The following DOCK4 variants were observed in gnomAD, a reference collection of about 807,000 sequenced individuals.
DOCK4 encodes dedicator of cytokinesis protein 4.
In DOCK4, 97 loss-of-function variants were observed where a neutral mutation model predicts 268.1. That is an observed-to-expected ratio of 0.36 (90% CI 0.31 to 0.43). DOCK4 has a LOEUF of 0.43. DOCK4 is among the 20% of genes least tolerant of loss of function. The pLI is 1.00. For synonymous variants in DOCK4, 954 were observed against 887.2 expected, an observed-to-expected ratio of 1.08 and a Z score of -1.34; for missense variants, 2,145 against 2,455.7, an observed-to-expected ratio of 0.87 and a Z score of 2.67.
chr7:111,761,040 T>C lies in DOCK4; in HGVS notation c.4021-718A>G, dbSNP rs144622766. On this transcript the variant is annotated intron_variant, in intron 39 of 52. Coordinates refer to ENST00000428084, the MANE Select transcript of DOCK4 (RefSeq NM_001363540.2). ...CCCCCTACAACACCCCATTTTATAATTGGGGAACCAGGGCTTAAAGTCTTT... is the reference window on the plus strand; with the variant it reads ...CCCCCTACAACACCCCATTTTATAACTGGGGAACCAGGGCTTAAAGTCTTT... 1.3e-3 allele frequency among the ~76,000 whole-genome samples: 200 copies of C among 151,620 alleles called. 1 individual carries two copies. Among genetic ancestry groups the C allele is most frequent in the Middle Eastern group, 6.8e-3 (2 of 294 alleles).
chr7:111,773,111 T>C (rs1798228764), intron 36 of DOCK4, among the ~76,000 whole-genome samples: 1 of 152,164 alleles, frequency 6.6e-6, no homozygotes, highest in South Asian at 2.1e-4. Context: ...TTTTTATTAA[T>C]CCCATTCTAC....
chr7:111,962,081 CT>C (rs1796945941), intron 8 of DOCK4, among the ~76,000 whole-genome samples: 1 of 152,004 alleles, frequency 6.6e-6, no homozygotes, highest in African/African-American at 2.4e-5. Context: ...CTCCTTTTTG[CT>C]TTTTCTTTCT....
intron 8 of DOCK4, chr7:111,971,894 A>G: frequency 4.9e-6 from 1 of 204,242 alleles, no homozygotes. Flanking sequence ...TCTAATGCCA[A>G]CATTCTTAGG....
intron 44 of DOCK4, 31 bp from the exon 45 acceptor site, chr7:111,742,163 C>CATCA: frequency 6.5e-7 from 1 of 1,538,662 alleles, no homozygotes; most frequent in African/African-American, 1.4e-5. Context: ...AAAAACCTCA[C>CATCA]ATCAATGACT....
chr7:112,190,012 T>C (rs1051100246), intron 1 of DOCK4, among the ~76,000 whole-genome samples: 1 of 152,198 alleles, frequency 6.6e-6, no homozygotes, highest in African/African-American at 2.4e-5. Flanking sequence ...AAACACTTGT[T>C]TTCCTCTGTG....
intron 25 of DOCK4, chr7:111,840,655 A>G (rs1803607425): frequency 7.5e-6 from 2 of 266,474 alleles, no homozygotes; most frequent in South Asian, 9.8e-5. Flanking sequence ...GATACAGCAG[A>G]CGCCAGTGCT....
chr7:111,971,822 A>G, intron 8 of DOCK4: 1 of 301,450 alleles, frequency 3.3e-6, no homozygotes. Context: ...TTGCCACAGC[A>G]ACCTGATATA....
chr7:112,040,262 C>A (rs1804234799), intron 1 of DOCK4, among the ~76,000 whole-genome samples: 1 of 152,100 alleles, frequency 6.6e-6, no homozygotes, highest in Non-Finnish European at 1.5e-5. Flanking sequence ...AGAGAAACAC[C>A]TTCTTATTTA....
chr7:111,751,130 A>G (rs1436238715), intron 42 of DOCK4, among the ~76,000 whole-genome samples: 1 of 152,234 alleles, frequency 6.6e-6, no homozygotes, highest in Non-Finnish European at 1.5e-5. Context: ...CCAGTAGCAC[A>G]TAACACCAAG....
chr7:112,181,639 C>CAAAAAAAAA (rs55807955), intron 1 of DOCK4, among the ~76,000 whole-genome samples: 4,471 of 65,232 alleles, frequency 0.069, 490 homozygotes, highest in Non-Finnish European at 0.09. Context: ...GACACTGTCT[C>CAAAAAAAAA]AAAAAAAAAA....
intron 23 of DOCK4, among the ~76,000 whole-genome samples, chr7:111,857,312 C>T (rs1805092157): frequency 6.6e-6 from 1 of 152,006 alleles, no homozygotes; most frequent in African/African-American, 2.4e-5. Flanking sequence ...TTTTTTATTG[C>T]AGTTTTGTAT....
intron 1 of DOCK4, among the ~76,000 whole-genome samples, chr7:112,099,190 G>A (rs542891583): frequency 6.6e-6 from 1 of 152,006 alleles, no homozygotes; most frequent in Admixed American, 6.6e-5. Context: ...TACTTGGGAG[G>A]CTGAGATGGG....
intron 17 of DOCK4, among the ~76,000 whole-genome samples, chr7:111,874,551 T>C (rs915341601): frequency 6.6e-6 from 1 of 152,246 alleles, no homozygotes; most frequent in African/African-American, 2.4e-5. Flanking sequence ...TGCAAAATAC[T>C]TCAAGTTCAG....
At chr7:111,837,156 T>C (rs1187942221) in intron 25 of DOCK4, among the ~76,000 whole-genome samples, 2 of 151,204 alleles carry the variant, frequency 1.3e-5, no homozygotes, top group Admixed American at 1.3e-4. Context: ...GCACATTACA[T>C]AGAGAAGAAC....
intron 1 of DOCK4, among the ~76,000 whole-genome samples, chr7:112,156,036 T>C (rs758852716): frequency 1.2e-4 from 19 of 152,206 alleles, no homozygotes; most frequent in Non-Finnish European, 2.2e-4. Flanking sequence ...CAGTTTGTTT[T>C]CACAGGGCTC....
chr7:112,012,873 A>G (rs1801468155), intron 1 of DOCK4, among the ~76,000 whole-genome samples: 1 of 152,138 alleles, frequency 6.6e-6, no homozygotes, highest in African/African-American at 2.4e-5. Flanking sequence ...TAAATACTCA[A>G]AGTCACAAAA....
chr7:111,971,869 G>T (rs542870831), intron 8 of DOCK4: 21 of 254,852 alleles, frequency 8.2e-5, no homozygotes, highest in African/African-American at 4.2e-4. Context: ...GGTCCCTTTT[G>T]GGCTGGATGT....
intron 41 of DOCK4, among the ~76,000 whole-genome samples, chr7:111,756,940 G>A (rs974221292): frequency 2.0e-5 from 3 of 152,074 alleles, no homozygotes; most frequent in African/African-American, 7.2e-5. Context: ...GGGGGATGCA[G>A]GCACACACGC....
rs1806955856 is a variant in DOCK4 at position 111,877,099 on chromosome 7, C to A, written c.1675G>T (p.Ala559Ser). The A allele has an allele frequency of 3.1e-6, 5 of 1,591,012 alleles. No individual in the cohort carries two copies. In the African/African-American group the frequency reaches 6.8e-5, roughly 22 times the overall value. ...AAGGACTCCTTTGTGGCCTTCATGG[C>A]TTGATTATTATTCCCAAGGAAAATG... ...KGIFLGNNNQ[A>S]MKATKESFCI... The change falls in exon 17 of 53, where the codon GCC becomes TCC. Residue 559 changes from alanine to serine, a missense_variant. This residue lies in a region of DOCK4 where 1,598 missense variants were observed against 1,986.7 expected (regional missense o/e 0.80). Transcript: ENST00000428084.
Sources: gnomAD v4.1 joint callset for allele counts (sites outside exome capture counted in the v4.1 genomes callset) on GRCh38, gnomAD v4.1.1 for gene constraint, gnomAD v4.1.1 regional missense constraint, MANE v1.5 for transcripts, NCBI Gene and HGNC (gene_info 2026-07-23, HGNC 2026-07-21) for gene names.